Variants in CHODL observed in about 807,000 individuals in gnomAD.
CHODL encodes transmembrane protein MT75.
Under a neutral mutation model 34.5 loss-of-function variants are expected in CHODL, and 29 were observed. The observed-to-expected ratio is 0.84, with a 90% confidence interval of 0.63 to 1.15. The LOEUF (loss-of-function observed/expected upper bound fraction) is 1.15. CHODL is among the 50% of genes most tolerant of loss of function. The probability of loss-of-function intolerance (pLI) is 0.00; values close to 1 mark genes in which losing one functional copy is unlikely to be tolerated. For missense variants in CHODL, 332 were observed against 332.5 expected (o/e 1.00, Z 0.01); for synonymous variants, 125 against 116.1 (o/e 1.08, Z -0.49).
Position 18,193,535 on chromosome 21 carries a change from A to G in CHODL, c.-44-62974A>G, listed in dbSNP as rs933876592. On this transcript the variant is annotated intron_variant, in intron 2 of 6. Transcript: ENST00000400127. ...ATGGTGAAACCCAGTCTCTACTAAAAAAATACAAAAATTAGCCACACATGG... is the reference window on the plus strand; with the variant it reads ...ATGGTGAAACCCAGTCTCTACTAAAGAAATACAAAAATTAGCCACACATGG... Among the ~76,000 whole-genome samples, 59 of 151,872 alleles carry G rather than the reference A, an allele frequency of 3.9e-4. 1 individual carries two copies. The highest frequency in any genetic ancestry group is 2.6e-3 in the Admixed American group (39 of 15,248).
chr21:18,166,382 C>A (rs943410008), intron 2 of CHODL, among the ~76,000 whole-genome samples: 4 of 152,134 alleles, frequency 2.6e-5, no homozygotes, highest in African/African-American at 9.7e-5. Flanking sequence ...CTTAATTATA[C>A]ATACAAAATC....
At chr21:18,195,263 C>A (rs1023824699) in intron 2 of CHODL, among the ~76,000 whole-genome samples, 3 of 152,028 alleles carry the variant, frequency 2.0e-5, no homozygotes, top group African/African-American at 7.2e-5. Flanking sequence ...AATGTGTTAG[C>A]CAGGATGGTC....
At chr21:18,134,123 G>A (rs1248179363) in intron 2 of CHODL, among the ~76,000 whole-genome samples, 3 of 152,108 alleles carry the variant, frequency 2.0e-5, no homozygotes, top group African/African-American at 4.8e-5. Flanking sequence ...AGGGAGGCGG[G>A]TATAACTCTC....
chr21:18,210,557 A>G (rs1366267414), intron 2 of CHODL, among the ~76,000 whole-genome samples: 1 of 152,096 alleles, frequency 6.6e-6, no homozygotes, highest in Admixed American at 6.5e-5. Context: ...CTTGTATTCA[A>G]TTATCTTGCT....
intron 1 of CHODL, among the ~76,000 whole-genome samples, chr21:18,001,759 G>T (rs905996045): frequency 1.4e-5 from 2 of 145,180 alleles, no homozygotes; most frequent in Non-Finnish European, 3.0e-5. Context: ...CATGCCATAC[G>T]TTGGCCTCAT....
intron 1 of CHODL, among the ~76,000 whole-genome samples, chr21:17,954,402 A>G: frequency 6.7e-6 from 1 of 149,660 alleles, no homozygotes; most frequent in Non-Finnish European, 1.5e-5. Context: ...GTTAAACATT[A>G]TTTCTGGGTG....
intron 2 of CHODL, among the ~76,000 whole-genome samples, chr21:18,210,645 A>T (rs1277141930): frequency 6.6e-6 from 1 of 152,178 alleles, no homozygotes; most frequent in Non-Finnish European, 1.5e-5. Flanking sequence ...CATTTATTGT[A>T]CATAAAAACA....
At chr21:18,184,923 C>G (rs1365939085) in intron 2 of CHODL, among the ~76,000 whole-genome samples, 1 of 152,196 alleles carries the variant, frequency 6.6e-6, no homozygotes, top group East Asian at 1.9e-4. Flanking sequence ...CCCCAAGTTG[C>G]AAATACTACT....
intron 2 of CHODL, among the ~76,000 whole-genome samples, chr21:18,113,150 A>G (rs936585023): frequency 2.6e-5 from 4 of 152,244 alleles, no homozygotes; most frequent in South Asian, 2.1e-4. Context: ...ACAGATGGCA[A>G]ATAGGCATAT....
chr21:18,194,476 GAT>G (rs1229490250), intron 2 of CHODL, among the ~76,000 whole-genome samples: 1 of 151,886 alleles, frequency 6.6e-6, no homozygotes, highest in Non-Finnish European at 1.5e-5. Context: ...TCTCGCTCCT[GAT>G]TTTCTCACGG....
At chr21:18,171,452 C>T (rs1189786239) in intron 2 of CHODL, among the ~76,000 whole-genome samples, 3 of 151,434 alleles carry the variant, frequency 2.0e-5, no homozygotes, top group Non-Finnish European at 4.4e-5. Flanking sequence ...CATGATCCAC[C>T]CGCCTCGGCC....
intron 1 of CHODL, among the ~76,000 whole-genome samples, chr21:17,962,925 G>A (rs911610195): frequency 3.9e-5 from 6 of 151,952 alleles, no homozygotes; most frequent in East Asian, 1.9e-4. Flanking sequence ...TTAGCCAGGC[G>A]TGGTGGCGGG....
At chr21:18,001,513 A>T (rs998762285) in intron 1 of CHODL, among the ~76,000 whole-genome samples, 3 of 152,226 alleles carry the variant, frequency 2.0e-5, no homozygotes, top group Non-Finnish European at 4.4e-5. Flanking sequence ...ATAATGGCTT[A>T]TTCAGATCCA....
Position 18,252,639 on chromosome 21 carries a change from G to A in CHODL, c.80-3870G>A, listed in dbSNP as rs527986103. 8.5e-5 allele frequency among the ~76,000 whole-genome samples: 13 copies of A among 152,250 alleles called. No homozygotes were observed. In the South Asian group the frequency reaches 2.1e-3, roughly 24 times the overall value. On this transcript the variant is annotated intron_variant, in intron 1 of 5. Transcript: ENST00000299295. ...ATAGAATTGAATGTAAAGAAATTCA[G>A]TGTCAGCTTTAACTGACTGTATATA...
intron 2 of CHODL, among the ~76,000 whole-genome samples, chr21:18,175,850 A>G (rs896284374): frequency 1.3e-4 from 15 of 112,248 alleles, no homozygotes; most frequent in Admixed American, 1.1e-3. Flanking sequence ...GATTCTAGAC[A>G]TGTGAAAGAA....
intron 2 of CHODL, among the ~76,000 whole-genome samples, chr21:18,238,159 A>G (rs1003141072): frequency 3.9e-5 from 6 of 152,138 alleles, no homozygotes; most frequent in African/African-American, 1.4e-4. Flanking sequence ...GAAAACCAGT[A>G]TAGAGTCTGG....
chr21:17,940,233 G>T (rs2063352007), intron 1 of CHODL, among the ~76,000 whole-genome samples: 1 of 152,040 alleles, frequency 6.6e-6, no homozygotes, highest in Non-Finnish European at 1.5e-5. Context: ...TTCACCAAAA[G>T]ATATTACAGA....
At chr21:18,246,588 A>G (rs1212488274) in intron 1 of CHODL, among the ~76,000 whole-genome samples, 1 of 152,216 alleles carries the variant, frequency 6.6e-6, no homozygotes, top group African/African-American at 2.4e-5. Flanking sequence ...CTGCAAAGAA[A>G]AAATTCATTA....
At chr21:18,256,065 G>C (rs2074311562) in intron 1 of CHODL, among the ~76,000 whole-genome samples, 3 of 152,160 alleles carry the variant, frequency 2.0e-5, no homozygotes, top group Middle Eastern at 3.4e-3. Flanking sequence ...CTGCCACTTT[G>C]TATCTTCTTC....
Sources: gnomAD v4.1 joint callset for allele counts (sites outside exome capture counted in the v4.1 genomes callset) on GRCh38, gnomAD v4.1.1 for gene constraint, MANE v1.5 for transcripts, NCBI Gene and HGNC (gene_info 2026-07-23, HGNC 2026-07-21) for gene names.